Variants in RPP30 observed in about 807,000 individuals in gnomAD.
RPP30 encodes the protein ribonuclease P/MRP subunit p30, also known as ribonuclease P protein subunit p30.
RPP30 carries 36 observed loss-of-function variants against 38.6 expected under a neutral mutation model. The observed-to-expected ratio is 0.93, with a 90% CI of 0.71 to 1.23. The LOEUF (loss-of-function observed/expected upper bound fraction) is 1.23. Ranked by LOEUF, RPP30 falls within the 50% of genes most tolerant of loss-of-function variation. The pLI is 0.00. For missense variants in RPP30, 321 were observed against 321.7 expected (o/e 1.00, Z 0.02); for synonymous variants, 126 against 112.7 (o/e 1.12, Z -0.75).
chr10:90,887,552 T>G (rs1438614738), intron 6 of RPP30, among the ~76,000 whole-genome samples: 1 of 151,764 alleles, frequency 6.6e-6, no homozygotes, highest in East Asian at 1.9e-4. Flanking sequence ...CCGGCTAATT[T>G]TTGTATTTCT....
In RPP30 at chr10:90,879,058, C is replaced by T; in HGVS notation, c.271-5C>T. 1 of 1,612,362 alleles carries T rather than the reference C, an allele frequency of 6.2e-7. No individual in the cohort carries two copies. The highest frequency in any genetic ancestry group is 8.5e-7 in the Non-Finnish European group (1 of 1,179,158). On this transcript the variant is annotated splice_polypyrimidine_tract_variant and splice_region_variant and intron_variant, in intron 4 of 10. Transcript: ENST00000371703. The stretch of plus-strand genomic sequence containing the variant: ...TGTATGATAACATTCTTTTTGTATT[C>T]CTAGAGAGCAACTTCTTCAAGGGCC...
At chr10:90,899,000 A>G (rs1847173659) in intron 10 of RPP30, among the ~76,000 whole-genome samples, 1 of 152,258 alleles carries the variant, frequency 6.6e-6, no homozygotes, top group African/African-American at 2.4e-5. Flanking sequence ...GAAATACTAT[A>G]TGTGAAAACA....
intron 4 of RPP30, among the ~76,000 whole-genome samples, chr10:90,877,235 C>G (rs918793500): frequency 2.6e-5 from 4 of 151,782 alleles, no homozygotes; most frequent in African/African-American, 7.3e-5. Context: ...TCACTTGAGC[C>G]AGAGAGGCAG....
chr10:90,901,962 G>A lies in RPP30; in HGVS notation c.*1283G>A. 2.7e-6 allele frequency: 1 copy of A among 370,820 alleles called. No individual in the cohort carries two copies. Among genetic ancestry groups the A allele is most frequent in the Non-Finnish European group, 3.7e-6 (1 of 268,988 alleles). 23.0% of individuals were successfully genotyped at this position (370,820 alleles called of 1,614,324 possible). ...GCCTCCTGAGTAGCTGGGACTACAG[G>A]CGCTCGCCATGTATTTAGCAGAGAC... On this transcript the variant is annotated 3_prime_UTR_variant, in exon 11 of 11. Coordinates refer to ENST00000371703, the MANE Select transcript of RPP30 (RefSeq NM_006413.5).
chr10:90,876,200 GC>G (rs1846850274), intron 4 of RPP30, 102 bp downstream of exon 4: 1 of 718,800 alleles, frequency 1.4e-6, no homozygotes, highest in East Asian at 2.7e-5. Context: ...ATTTTCCCTC[GC>G]CCCCGCCAAA....
chr10:90,888,772 G>A (rs1007458633), intron 6 of RPP30, among the ~76,000 whole-genome samples: 9 of 152,032 alleles, frequency 5.9e-5, no homozygotes, highest in South Asian at 2.1e-4. Flanking sequence ...GGCATTTTTC[G>A]CTTAATTCCT....
At chr10:90,895,775 A>G in intron 8 of RPP30, 105 bp from the exon 9 acceptor site, 1 of 838,570 alleles carries the variant, frequency 1.2e-6, no homozygotes, top group Non-Finnish European at 1.8e-6. Context: ...AAATTTATGT[A>G]ATTTTTTTAT....
intron 6 of RPP30, among the ~76,000 whole-genome samples, chr10:90,887,289 A>G (rs530853365): frequency 3.2e-4 from 48 of 152,244 alleles, no homozygotes; most frequent in African/African-American, 7.9e-4. Context: ...GAAAAGTTTA[A>G]GTTAGCTTAT....
intron 1 of RPP30, 108 bp downstream of exon 1, chr10:90,872,176 C>T (rs761949715): frequency 2.1e-6 from 2 of 944,066 alleles, no homozygotes; most frequent in Non-Finnish European, 3.4e-6. Flanking sequence ...CTCCCAGAGT[C>T]TCTGGGATGT....
downstream of RPP30, chr10:90,906,040 A>T (rs553582277): frequency 2.6e-5 from 4 of 152,368 alleles, no homozygotes; most frequent in East Asian, 7.7e-4. Flanking sequence ...GTGCACAGAA[A>T]TAATCAGAAT....
At chr10:90,878,206 C>T (rs532601980) in intron 4 of RPP30, among the ~76,000 whole-genome samples, 5 of 152,260 alleles carry the variant, frequency 3.3e-5, no homozygotes, top group Non-Finnish European at 5.9e-5. Context: ...ATTTCTAAGA[C>T]CTGGACCCTG....
At position 90,891,863 on chromosome 10, in the gene RPP30, T is replaced by C. The variant is rs141049804; in HGVS notation, c.433-2912T>C. Among the ~76,000 whole-genome samples, 13 of 152,332 alleles carry C rather than the reference T, an allele frequency of 8.5e-5. No individual in the cohort carries two copies. In the East Asian group the frequency reaches 2.1e-3, roughly 25 times the overall value. On this transcript the variant is annotated intron_variant, in intron 6 of 10. Transcript: ENST00000371703. The stretch of plus-strand genomic sequence containing the variant: ...TGGAGATGCAAGTAGTACTTTTTAT[T>C]GTTTTCTTATGTTGCTTTGTGAGTC...
intron 5 of RPP30, among the ~76,000 whole-genome samples, chr10:90,883,392 A>G (rs1348722139): frequency 1.3e-5 from 2 of 152,022 alleles, no homozygotes; most frequent in Non-Finnish European, 2.9e-5. Flanking sequence ...CCAAGGCTCT[A>G]TTGGGCATAA....
In RPP30 at chr10:90,901,617, C is replaced by T. The variant is rs1295076273; in HGVS notation, c.*938C>T. ...GATAGCTGTATTAAAAATAGCAAAG[C>T]ATCGGACTGAACCAACTTTGGAAAT... On this transcript the variant is annotated 3_prime_UTR_variant, in exon 11 of 11. Coordinates refer to ENST00000371703, the MANE Select transcript of RPP30 (RefSeq NM_006413.5). 2.0e-6 allele frequency: 2 copies of T among 985,024 alleles called. No homozygotes were observed. The highest frequency in any genetic ancestry group is 2.4e-6 in the Non-Finnish European group (2 of 829,642). 61.0% of individuals were successfully genotyped at this position (985,024 alleles called of 1,614,324 possible). A position where few individuals can be genotyped will look rare whatever the true frequency, so the allele number is the denominator to read the frequency against.
chr10:90,889,957 T>C (rs1487471854), intron 6 of RPP30, among the ~76,000 whole-genome samples: 1 of 152,224 alleles, frequency 6.6e-6, no homozygotes, highest in Non-Finnish European at 1.5e-5. Context: ...TTTTCTTGAA[T>C]AATCACATGA....
Position 90,901,666 on chromosome 10 carries a change from T to C in RPP30, c.*987T>C, listed in dbSNP as rs540032519. 70 of 985,066 alleles carry C rather than the reference T, an allele frequency of 7.1e-5. No homozygotes were observed. In the South Asian group the frequency reaches 3.1e-3, roughly 44 times the overall value. The allele number at this position is 985,066 out of a possible 1,614,324, so 61.0% of individuals were successfully genotyped here. A position where few individuals can be genotyped will look rare whatever the true frequency, so the allele number is the denominator to read the frequency against. ...ATAATTTATTTTTATAATGGGATCA[T>C]GTTAAGTAGAAGTAGCTTTTTATGC... is the stretch of plus-strand genomic sequence containing the variant. On this transcript the variant is annotated 3_prime_UTR_variant, in exon 11 of 11. Transcript: ENST00000371703.
At chr10:90,894,941 TA>T in intron 7 of RPP30, 50 bp downstream of exon 7, 1 of 1,193,694 alleles carries the variant, frequency 8.4e-7, no homozygotes. Flanking sequence ...AGTTTATTAT[TA>T]GTAGTACACT....
chr10:90,899,026 C>G (rs1200259480), intron 10 of RPP30, among the ~76,000 whole-genome samples: 4 of 152,192 alleles, frequency 2.6e-5, no homozygotes, highest in Admixed American at 1.3e-4. Context: ...TAAACTAAAG[C>G]ATACACAAAT....
rs1847204486 is a variant in RPP30, at chr10:90,901,641, ATAAT to A, written c.*964_*967del. On this transcript the variant is annotated 3_prime_UTR_variant, in exon 11 of 11. Coordinates refer to ENST00000371703, the MANE Select transcript of RPP30 (RefSeq NM_006413.5). ...GCATCGGACTGAACCAACTTTGGAA[ATAAT>A]TTATTTTTATAATGGGATCATGTTA... 1 of 985,064 alleles carries A rather than the reference ATAAT, an allele frequency of 1.0e-6. No homozygotes were observed. Among genetic ancestry groups the A allele is most frequent in the Non-Finnish European group, 1.2e-6 (1 of 829,630 alleles). 61.0% of individuals were successfully genotyped at this position (985,064 alleles called of 1,614,324 possible). A position where few individuals can be genotyped will look rare whatever the true frequency, so the allele number is the denominator to read the frequency against.
Sources: allele counts gnomAD v4.1 joint callset (sites outside exome capture counted in the v4.1 genomes callset), GRCh38; gene constraint gnomAD v4.1.1; transcripts MANE v1.5; gene names NCBI Gene and HGNC (gene_info 2026-07-23, HGNC 2026-07-21).